Variants in DOCK2 observed in about 807,000 individuals in gnomAD.
The protein encoded by DOCK2 is dedicator of cytokinesis 2, also known as dedicator of cytokinesis protein 2.
DOCK2 carries 87 observed loss-of-function variants against 248.9 expected under a neutral mutation model. That is an observed-to-expected ratio of 0.35 (90% CI 0.29 to 0.42). The LOEUF is 0.42. Ranked by LOEUF, DOCK2 falls within the 10% of genes least tolerant of loss-of-function variation. DOCK2 has a pLI of 1.00. For synonymous variants in DOCK2, 805 were observed against 821.6 expected (o/e 0.98, Z 0.35); for missense variants, 1,747 against 2,300.2 (o/e 0.76, Z 4.92).
intron 47 of DOCK2, 49 bp downstream of exon 47, chr5:170,076,133 G>A (rs1355894415): frequency 3.1e-6 from 5 of 1,590,860 alleles, no homozygotes; most frequent in Admixed American, 1.7e-5. Context: ...GCAGGGTGGG[G>A]CAGGGAAGCA....
At chr5:169,799,480 C>T (rs899071441) in intron 25 of DOCK2, among the ~76,000 whole-genome samples, 5 of 152,124 alleles carry the variant, frequency 3.3e-5, no homozygotes, top group African/African-American at 1.2e-4. Context: ...ACCTAATTTC[C>T]CTCTAGCAAA....
At chr5:169,945,661 C>T (rs1209794181) in intron 27 of DOCK2, among the ~76,000 whole-genome samples, 1 of 152,218 alleles carries the variant, frequency 6.6e-6, no homozygotes, top group Non-Finnish European at 1.5e-5. Context: ...CCTCTTCACA[C>T]GGGTACTAGG....
rs1006694666 is a variant in DOCK2 at position 169,979,505 on chromosome 5, G to C, written c.2800-3563G>C. Among the ~76,000 whole-genome samples, 21 of 152,272 alleles carry C rather than the reference G, an allele frequency of 1.4e-4. No homozygotes were observed. In the South Asian group the frequency reaches 1.5e-3, roughly 11 times the overall value. On this transcript the variant is annotated intron_variant, in intron 27 of 51. Coordinates refer to ENST00000520908, the MANE Select transcript of DOCK2 (RefSeq NM_004946.3). The stretch of plus-strand genomic sequence containing the variant: ...GTTTTTAAAATCCAAATGACAGAAA[G>C]GAGACTTTTCTGAATATGAAGCTGC...
intron 30 of DOCK2, among the ~76,000 whole-genome samples, chr5:170,003,882 C>T (rs1730262839): frequency 6.6e-6 from 1 of 152,190 alleles, no homozygotes; most frequent in Non-Finnish European, 1.5e-5. Context: ...CTGTGACAAC[C>T]TCCTCTGAGT....
At chr5:169,925,416 C>T (rs1581425761) in intron 27 of DOCK2, among the ~76,000 whole-genome samples, 1 of 151,926 alleles carries the variant, frequency 6.6e-6, no homozygotes, top group South Asian at 2.1e-4. Flanking sequence ...CCCATCTTTA[C>T]TAAAATTACA....
rs561240563 is a variant in DOCK2, at chr5:170,028,080, A to C, written c.3467+132A>C. On this transcript the variant is annotated intron_variant, in intron 34 of 51. Coordinates refer to ENST00000520908, the MANE Select transcript of DOCK2 (RefSeq NM_004946.3). ...GATCTAGAGGCTCATGGGTATTGGC[A>C]AAACTCCATTTTTGGAAGAAACCTC... 9.3e-6 allele frequency: 6 copies of C among 647,982 alleles called. 1 individual carries two copies. In the Admixed American group the frequency reaches 2.1e-4, roughly 23 times the overall value. 40.1% of individuals were successfully genotyped at this position (647,982 alleles called of 1,614,324 possible).
At chr5:169,952,889 C>A (rs1776719329) in intron 27 of DOCK2, among the ~76,000 whole-genome samples, 1 of 152,116 alleles carries the variant, frequency 6.6e-6, no homozygotes, top group Non-Finnish European at 1.5e-5. Context: ...TTGCAGAAGT[C>A]TGGGACAGTG....
intron 29 of DOCK2, among the ~76,000 whole-genome samples, chr5:169,993,630 A>G (rs182326292): frequency 6.6e-6 from 1 of 151,924 alleles, no homozygotes; most frequent in Admixed American, 6.6e-5. Flanking sequence ...TTCAACAGTC[A>G]TGAAAGTATT....
chr5:169,689,223 G>T lies in DOCK2; in HGVS notation c.762-29G>T, dbSNP rs182433546. 1.4e-3 allele frequency: 2,182 copies of T among 1,611,762 alleles called. 4 individuals carry two copies. The highest frequency in any genetic ancestry group is 1.8e-3 in the Non-Finnish European group (2,096 of 1,178,040). Reference sequence around the variant, plus strand: ...TAAATGGATGTCAGGTCCCTTGGCAGTAACGGGCTGCCACTCTTCTTCCCA... The same window carrying T: ...TAAATGGATGTCAGGTCCCTTGGCATTAACGGGCTGCCACTCTTCTTCCCA... On this transcript the variant is annotated intron_variant, in intron 8 of 51. Transcript: ENST00000520908.
chr5:170,040,146 G>T (rs1416237353), intron 36 of DOCK2, among the ~76,000 whole-genome samples: 1 of 152,172 alleles, frequency 6.6e-6, no homozygotes, highest in Admixed American at 6.5e-5. Flanking sequence ...GACACACATG[G>T]TCTCCTTGGC....
intron 30 of DOCK2, among the ~76,000 whole-genome samples, chr5:170,000,784 A>G (rs1180700371): frequency 6.6e-6 from 1 of 152,200 alleles, no homozygotes; most frequent in African/African-American, 2.4e-5. Context: ...GCCTTGAGGC[A>G]TTTTTGGATT....
chr5:170,034,609 G>A, intron 35 of DOCK2, 54 bp downstream of exon 35: 1 of 1,601,666 alleles, frequency 6.2e-7, no homozygotes, highest in Non-Finnish European at 8.5e-7. Context: ...GGGGGCTTGG[G>A]CTTGGCTTTG....
chr5:169,669,397 G>T (rs1758916141), intron 3 of DOCK2, 69 bp downstream of exon 3: 3 of 1,555,876 alleles, frequency 1.9e-6, no homozygotes. Context: ...TCCCATCTGA[G>T]CAGGTCTCTC....
chr5:169,848,606 A>C (rs2113363982), intron 27 of DOCK2, among the ~76,000 whole-genome samples: 2 of 152,362 alleles, frequency 1.3e-5, no homozygotes, highest in Middle Eastern at 6.8e-3. Context: ...ACACTGCCAG[A>C]AGTTCTTGGA....
At chr5:169,818,470 G>A (rs903455673) in intron 26 of DOCK2, among the ~76,000 whole-genome samples, 1 of 152,134 alleles carries the variant, frequency 6.6e-6, no homozygotes, top group Non-Finnish European at 1.5e-5. Flanking sequence ...CTAACTAGCC[G>A]GGTGGTACTG....
At chr5:170,034,617 T>C in intron 35 of DOCK2, 62 bp downstream of exon 35, 2 of 1,594,316 alleles carry the variant, frequency 1.3e-6, no homozygotes, top group Non-Finnish European at 1.7e-6. Flanking sequence ...GGGCTTGGCT[T>C]TGGGTCTCAC....
At chr5:169,667,615 C>A (rs1758813683) in intron 2 of DOCK2, among the ~76,000 whole-genome samples, 1 of 152,208 alleles carries the variant, frequency 6.6e-6, no homozygotes, top group Non-Finnish European at 1.5e-5. Flanking sequence ...GAGTGTAAAT[C>A]TCAGCTGCAT....
chr5:170,021,016 A>G (rs1164085688), intron 33 of DOCK2, among the ~76,000 whole-genome samples: 1 of 152,228 alleles, frequency 6.6e-6, no homozygotes, highest in Non-Finnish European at 1.5e-5. Context: ...TTAATCTCAC[A>G]TGGGAGAAAG....
At chr5:169,768,212 G>A (rs1357640243) in intron 25 of DOCK2, among the ~76,000 whole-genome samples, 1 of 152,220 alleles carries the variant, frequency 6.6e-6, no homozygotes, top group Non-Finnish European at 1.5e-5. Context: ...CAGTCCATTG[G>A]CCAGAACACA....
Sources: gnomAD v4.1 joint callset for allele counts (sites outside exome capture counted in the v4.1 genomes callset) on GRCh38, gnomAD v4.1.1 for gene constraint, MANE v1.5 for transcripts, NCBI Gene and HGNC (gene_info 2026-07-23, HGNC 2026-07-21) for gene names.